RPTOR: variants seen among roughly 807,000 people sequenced by gnomAD.
RPTOR encodes the protein regulatory-associated protein of mTOR.
RPTOR carries 21 observed loss-of-function variants against 169.9 expected under a neutral mutation model. The ratio of observed to expected loss-of-function variants is 0.12; its 90% confidence interval spans 0.09 to 0.18. The LOEUF is 0.18. Ranked by LOEUF, RPTOR falls within the 10% of genes least tolerant of loss-of-function variation. The pLI is 1.00. For missense variants in RPTOR, 1,133 were observed against 1,855.9 expected (o/e 0.61, Z 7.16); for synonymous variants, 732 against 753.2 (o/e 0.97, Z 0.46).
In RPTOR at chr17:80,957,943, G is replaced by T. The variant is rs187143377; in HGVS notation, c.3477+213G>T. Among the ~76,000 whole-genome samples, 537 of 152,374 alleles carry T rather than the reference G, an allele frequency of 3.5e-3. 1 individual carries two copies. The highest frequency in any genetic ancestry group is 6.1e-3 in the Non-Finnish European group (414 of 68,040). ...GGTGAACTGCAACACCCAGCCCTGC[G>T]CTGCAGTATGGCTCAGGCTGCGCCA... On this transcript the variant is annotated intron_variant, in intron 29 of 33. Coordinates refer to ENST00000306801, the MANE Select transcript of RPTOR (RefSeq NM_020761.3). The surrounding 1 kb of genome is among the most constrained non-coding windows in gnomAD (Gnocchi z 4.6).
At chr17:80,681,468 G>A (rs779220149) in intron 3 of RPTOR, among the ~76,000 whole-genome samples, 10 of 152,160 alleles carry the variant, frequency 6.6e-5, no homozygotes, top group Non-Finnish European at 2.9e-5. Context: ...GGCACCTCGC[G>A]CTGTGGGTGA....
chr17:80,714,570 C>T (rs978954253), intron 4 of RPTOR, among the ~76,000 whole-genome samples: 3 of 151,882 alleles, frequency 2.0e-5, no homozygotes, highest in African/African-American at 7.3e-5. Flanking sequence ...GAGTCAAAGA[C>T]AAAATCATAA....
intron 1 of RPTOR, among the ~76,000 whole-genome samples, chr17:80,549,129 T>C (rs1229341010): frequency 6.6e-6 from 1 of 152,152 alleles, no homozygotes; most frequent in Non-Finnish European, 1.5e-5. Context: ...TTTGAATCAG[T>C]CTTGGTTTTC....
chr17:80,816,565 G>A (rs1000972674), intron 7 of RPTOR, among the ~76,000 whole-genome samples: 1 of 152,242 alleles, frequency 6.6e-6, no homozygotes, highest in Non-Finnish European at 1.5e-5. Flanking sequence ...AGATCCTGGG[G>A]TGTGAAAAGA....
chr17:80,731,378 C>T (rs1347273894), intron 5 of RPTOR, among the ~76,000 whole-genome samples: 2 of 151,912 alleles, frequency 1.3e-5, no homozygotes, highest in African/African-American at 2.4e-5. Context: ...TTTGTTCCTG[C>T]CCCGGTTTCT....
intron 3 of RPTOR, among the ~76,000 whole-genome samples, chr17:80,692,032 G>A (rs1258154844): frequency 2.0e-5 from 3 of 152,208 alleles, no homozygotes; most frequent in South Asian, 2.1e-4. Context: ...ACTGAGAGCC[G>A]CTGCCGAGGC....
At chr17:80,588,100 CCTT>C (rs1359793935) in intron 1 of RPTOR, among the ~76,000 whole-genome samples, 1 of 151,512 alleles carries the variant, frequency 6.6e-6, no homozygotes, top group Non-Finnish European at 1.5e-5. Flanking sequence ...GACAGGATTT[CCTT>C]CTTTTTTTTA....
chr17:80,841,430 TCA>T (rs2067654770), intron 10 of RPTOR, among the ~76,000 whole-genome samples: 1 of 122,038 alleles, frequency 8.2e-6, no homozygotes, highest in Non-Finnish European at 1.7e-5. Context: ...ACACGGCAGC[TCA>T]CACTCACCAC....
intron 3 of RPTOR, among the ~76,000 whole-genome samples, chr17:80,677,444 G>A (rs957319328): frequency 6.6e-6 from 1 of 152,174 alleles, no homozygotes; most frequent in Non-Finnish European, 1.5e-5. Flanking sequence ...CCAGTACAAA[G>A]TCTAAACTCT....
chr17:80,943,245 T>A (rs910831392), intron 25 of RPTOR, among the ~76,000 whole-genome samples: 6 of 152,130 alleles, frequency 3.9e-5, no homozygotes, highest in Non-Finnish European at 8.8e-5. Context: ...TAAGCCCAGT[T>A]CAGAGCAGCC....
intron 5 of RPTOR, among the ~76,000 whole-genome samples, chr17:80,743,764 CTCT>C (rs2066513593): frequency 7.7e-6 from 1 of 129,070 alleles, no homozygotes; most frequent in African/African-American, 3.3e-5. Context: ...GCTACTAGCA[CTCT>C]CCTGGTTACT....
intron 3 of RPTOR, among the ~76,000 whole-genome samples, chr17:80,697,351 TAGG>T (rs768879221): frequency 1.3e-5 from 2 of 152,218 alleles, no homozygotes; most frequent in East Asian, 1.9e-4. Context: ...CAAACGGGAA[TAGG>T]AGTTTTGCTC....
chr17:80,556,095 C>T (rs1286316159), intron 1 of RPTOR, among the ~76,000 whole-genome samples: 2 of 149,556 alleles, frequency 1.3e-5, no homozygotes, highest in African/African-American at 2.5e-5. Context: ...CTCACATCAG[C>T]GCTTGTGTGA....
chr17:80,753,993 A>G lies in RPTOR; in HGVS notation c.655-17A>G, dbSNP rs781583524. On this transcript the variant is annotated splice_polypyrimidine_tract_variant and intron_variant, in intron 5 of 33. Transcript: ENST00000306801. ...AGCTAAATCACACTCTCTTTTCCCG[A>G]ATGTTCTGCCCTTCAGGTAGCTGCA... The G allele has an allele frequency of 4.4e-6, 7 of 1,605,444 alleles. No individual in the cohort carries two copies. The East Asian group carries it at 1.6e-4, about 36-fold the overall frequency.
At chr17:80,588,858 C>G (rs1464748544) in intron 1 of RPTOR, among the ~76,000 whole-genome samples, 1 of 152,154 alleles carries the variant, frequency 6.6e-6, no homozygotes, top group African/African-American at 2.4e-5. Context: ...CTCTGTGATG[C>G]AATATTTCAG....
rs562345422 is a variant in RPTOR at position 80,629,032 on chromosome 17, T to G, written c.265+3239T>G. Among the ~76,000 whole-genome samples the G allele has an allele frequency of 2.1e-5, 3 of 143,914 alleles. No homozygotes were observed. The South Asian group carries it at 6.6e-4, about 32-fold the overall frequency. 94.4% of individuals were successfully genotyped at this position (143,914 alleles called of 152,430 possible). A position where few individuals can be genotyped will look rare whatever the true frequency, so the allele number is the denominator to read the frequency against. ...CGCAGCTCTTCTGTGTGTCTCTCTC[T>G]TCTGGGACTCAGCTCTCTATGTATT... On this transcript the variant is annotated intron_variant, in intron 2 of 33. Transcript: ENST00000306801.
intron 10 of RPTOR, among the ~76,000 whole-genome samples, chr17:80,841,759 C>T (rs2067666086): frequency 7.0e-6 from 1 of 142,998 alleles, no homozygotes; most frequent in Admixed American, 7.0e-5. Flanking sequence ...CACGGCAGCT[C>T]ACTCTCCCCG....
chr17:80,587,905 C>T (rs1375453875), intron 1 of RPTOR, among the ~76,000 whole-genome samples: 1 of 152,030 alleles, frequency 6.6e-6, no homozygotes, highest in Non-Finnish European at 1.5e-5. Context: ...AAGGCTTGTG[C>T]CTTTTGACCA....
intron 3 of RPTOR, among the ~76,000 whole-genome samples, chr17:80,666,775 G>A (rs1004678832): frequency 2.6e-5 from 4 of 152,196 alleles, no homozygotes; most frequent in South Asian, 2.1e-4. Flanking sequence ...CGAGCAGTCC[G>A]AGAACCCACC....
Sources: gnomAD v4.1 joint callset for allele counts (sites outside exome capture counted in the v4.1 genomes callset) on GRCh38, gnomAD v4.1.1 for gene constraint, Gnocchi (gnomAD v3.1) non-coding constraint, MANE v1.5 for transcripts, NCBI Gene and HGNC (gene_info 2026-07-23, HGNC 2026-07-21) for gene names.